The following ERAP1 variants were observed in gnomAD, a reference collection of about 807,000 sequenced individuals.
ERAP1 encodes endoplasmic reticulum aminopeptidase 1.
ERAP1 carries 86 observed loss-of-function variants against 103.7 expected under a neutral mutation model. The ratio of observed to expected loss-of-function variants is 0.83; its 90% CI spans 0.70 to 0.99. ERAP1 has a LOEUF of 0.99. Ranked by LOEUF, ERAP1 falls within the 50% of genes least tolerant of loss-of-function variation. ERAP1 has a pLI of 0.00. For synonymous variants in ERAP1, 398 were observed against 402.4 expected (o/e 0.99, Z 0.13); for missense variants, 1,009 against 1,128.4 (o/e 0.89, Z 1.52).
the ERAP1 span, among the ~76,000 whole-genome samples, chr5:96,821,873 G>C: frequency 1.2e-4 from 18 of 152,226 alleles, no homozygotes; most frequent in Non-Finnish European, 2.2e-4. Flanking sequence ...TACACAGCTA[G>C]AAAGCTATAG....
At chr5:96,909,031 G>A in the ERAP1 span, 91 of 1,613,950 alleles carry the variant, frequency 5.6e-5, no homozygotes, top group Admixed American at 1.2e-3. Flanking sequence ...AAGCAGCCCC[G>A]CACTTCTCGA....
At chr5:96,821,970 G>A in the ERAP1 span, among the ~76,000 whole-genome samples, 12 of 152,232 alleles carry the variant, frequency 7.9e-5, no homozygotes, top group East Asian at 1.9e-4. Context: ...CTCATGTGTC[G>A]TATTTATTTA....
the ERAP1 span, among the ~76,000 whole-genome samples, chr5:96,864,081 C>T: frequency 3.3e-5 from 5 of 152,118 alleles, no homozygotes; most frequent in Non-Finnish European, 7.3e-5. Flanking sequence ...TACATATTCA[C>T]ATTTACACGC....
the ERAP1 span, chr5:96,913,459 T>G: frequency 1.2e-6 from 2 of 1,613,718 alleles, no homozygotes; most frequent in Non-Finnish European, 1.7e-6. Context: ...TCTGAAAAAG[T>G]TGGTATTCAT....
the ERAP1 span, among the ~76,000 whole-genome samples, chr5:96,926,057 C>T: frequency 3.3e-5 from 5 of 151,910 alleles, no homozygotes; most frequent in South Asian, 4.1e-4. Flanking sequence ...ACTACAGGCG[C>T]GTGCCACCAC....
intron 15 of ERAP1, among the ~76,000 whole-genome samples, chr5:96,782,162 C>T (rs1323452338): frequency 3.9e-5 from 6 of 152,072 alleles, no homozygotes. Flanking sequence ...AGGCGCCCGC[C>T]ACCATGCCCG....
In ERAP1 at chr5:96,776,251, T is replaced by G. The variant is rs1202916772; in HGVS notation, c.*145A>C. 6 of 1,108,784 alleles carry G rather than the reference T, an allele frequency of 5.4e-6. No homozygotes were observed. The highest frequency in any genetic ancestry group is 7.6e-6 in the Non-Finnish European group (6 of 789,984). The allele number at this position is 1,108,784 out of a possible 1,614,324, so 68.7% of individuals were successfully genotyped here. A position where few individuals can be genotyped will look rare whatever the true frequency, so the allele number is the denominator to read the frequency against. On this transcript the variant is annotated 3_prime_UTR_variant, in exon 19 of 19. Transcript: ENST00000443439. ...CCCATTCATGAAAAACTAACAGCTA[T>G]TCTTTTCACAGGGATAGTCAAAAAA...
At chr5:96,766,774 A>C (rs1032352749) in intron 19 of ERAP1, among the ~76,000 whole-genome samples, 1 of 152,296 alleles carries the variant, frequency 6.6e-6, no homozygotes, top group African/African-American at 2.4e-5. Flanking sequence ...ATGATAAATA[A>C]CCCTTTCCAT....
Position 96,797,219 on chromosome 5 carries a change from A to G in ERAP1, c.754T>C (p.Ser252Pro). Residue 252 changes from serine (S) to proline (P), a missense_variant, in exon 4 of 19, where the codon TCA (serine) becomes CCA (proline). Transcript: ENST00000443439. ...MSTYLVAFII[S>P]DFESVSKITK... ...ATCTTGCTGACAGACTCAAAATCTG[A>G]AATGATGAAGGCCACCAGATAGGTG... The G allele has an allele frequency of 6.2e-7, 1 of 1,614,196 alleles. No homozygotes were observed. Among genetic ancestry groups the G allele is most frequent in the Non-Finnish European group, 8.5e-7 (1 of 1,180,036 alleles).
At chr5:96,817,642 C>A in the ERAP1 span, among the ~76,000 whole-genome samples, 7 of 152,182 alleles carry the variant, frequency 4.6e-5, no homozygotes. Context: ...AATCGCAAAA[C>A]CACAATGTAG....
At chr5:96,899,604 T>G in the ERAP1 span, among the ~76,000 whole-genome samples, 1 of 152,216 alleles carries the variant, frequency 6.6e-6, no homozygotes, top group Middle Eastern at 3.2e-3. Flanking sequence ...TCTTATTTTA[T>G]TCCCAGTTAG....
chr5:96,835,202 T>TAGA, the ERAP1 span, among the ~76,000 whole-genome samples: 1 of 152,236 alleles, frequency 6.6e-6, no homozygotes, highest in African/African-American at 2.4e-5. Context: ...TTGACTGTCC[T>TAGA]AGAAGGCTAA....
chr5:96,815,515 G>A, the ERAP1 span, among the ~76,000 whole-genome samples: 2 of 150,078 alleles, frequency 1.3e-5, no homozygotes, highest in Non-Finnish European at 1.5e-5. Context: ...ATGTTCAAGC[G>A]ATTCTCCTGC....
At chr5:96,916,709 C>G in the ERAP1 span, among the ~76,000 whole-genome samples, 4 of 151,414 alleles carry the variant, frequency 2.6e-5, no homozygotes, top group Non-Finnish European at 5.9e-5. Context: ...ACCTCGTGAT[C>G]CACCCACTTT....
At chr5:96,839,098 G>A in the ERAP1 span, among the ~76,000 whole-genome samples, 1 of 152,200 alleles carries the variant, frequency 6.6e-6, no homozygotes, top group Non-Finnish European at 1.5e-5. Context: ...GAATAAAACT[G>A]AGAAACAGCC....
the ERAP1 span, among the ~76,000 whole-genome samples, chr5:96,863,057 A>G: frequency 6.6e-6 from 1 of 152,114 alleles, no homozygotes. Context: ...TTTTTTTTAC[A>G]TAAGTATTTC....
chr5:96,913,899 T>C, the ERAP1 span, among the ~76,000 whole-genome samples: 8 of 152,184 alleles, frequency 5.3e-5, no homozygotes, highest in Non-Finnish European at 1.0e-4. Context: ...CTAGAGCCCC[T>C]GTGGAGGTGG....
At chr5:96,826,040 C>T in the ERAP1 span, among the ~76,000 whole-genome samples, 1 of 152,168 alleles carries the variant, frequency 6.6e-6, no homozygotes, top group Non-Finnish European at 1.5e-5. Flanking sequence ...TATTCTGCAC[C>T]ACCAGTCACC....
At chr5:96,764,425 A>C (rs773556623) in intron 19 of ERAP1, among the ~76,000 whole-genome samples, 1 of 152,208 alleles carries the variant, frequency 6.6e-6, no homozygotes, top group Non-Finnish European at 1.5e-5. Context: ...ATTGTTGTCC[A>C]TAATTTTTTT....
Sources: gnomAD v4.1 joint callset for allele counts (sites outside exome capture counted in the v4.1 genomes callset) on GRCh38, gnomAD v4.1.1 for gene constraint, MANE v1.5 for transcripts, NCBI Gene and HGNC (gene_info 2026-07-23, HGNC 2026-07-21) for gene names.